LRP8: variants seen among roughly 807,000 people sequenced by gnomAD.
The protein encoded by LRP8 is LDL receptor related protein 8.
Under a neutral mutation model 111.6 loss-of-function variants are expected in LRP8, and 46 were observed. The ratio of observed to expected loss-of-function variants is 0.41; its 90% CI spans 0.33 to 0.53. The LOEUF (loss-of-function observed/expected upper bound fraction) is 0.53, where lower values mean the gene tolerates loss of function less well. Among genes scored for constraint, LRP8 ranks in the 20% least tolerant of loss-of-function variants. The pLI is 0.20. For missense variants in LRP8, 959 were observed against 1,297.4 expected (o/e 0.74, Z 4.01); for synonymous variants, 464 against 511.2 (o/e 0.91, Z 1.24).
intron 2 of LRP8, among the ~76,000 whole-genome samples, chr1:53,326,564 A>C (rs1482938054): frequency 1.3e-5 from 2 of 152,198 alleles, no homozygotes; most frequent in African/African-American, 4.8e-5. Context: ...CTTTGCAGGG[A>C]CTGCCGCGTC....
intron 2 of LRP8, among the ~76,000 whole-genome samples, chr1:53,302,364 G>A (rs940432740): frequency 6.6e-6 from 1 of 152,090 alleles, no homozygotes; most frequent in Non-Finnish European, 1.5e-5. Flanking sequence ...CACCCAACAA[G>A]CAGATTCCCA....
rs532611001 is a variant in LRP8 at position 53,317,744 on chromosome 1, G to A, written c.244+9129C>T. On this transcript the variant is annotated intron_variant, in intron 2 of 18. Coordinates refer to ENST00000306052, the MANE Select transcript of LRP8 (RefSeq NM_004631.5). This position sits in a 1 kb window ranked among gnomAD's most constrained non-coding sequence, Gnocchi z 4.9. ...AATATGGGCTCATTTTCCCGCTTTC[G>A]GAAAGTCTCATGAAGCTGGTGGGCC... Among the ~76,000 whole-genome samples the A allele has an allele frequency of 3.9e-5, 6 of 152,270 alleles. No individual in the cohort carries two copies. The highest frequency in any genetic ancestry group is 9.6e-5 in the African/African-American group (4 of 41,554).
At chr1:53,283,525 T>G (rs112013906) in intron 3 of LRP8, among the ~76,000 whole-genome samples, 3 of 125,528 alleles carry the variant, frequency 2.4e-5, no homozygotes, top group African/African-American at 6.8e-5. Context: ...CCCGGGCCAC[T>G]TACTTACTAC....
intron 15 of LRP8, among the ~76,000 whole-genome samples, chr1:53,256,206 T>C (rs1646081707): frequency 6.6e-6 from 1 of 152,258 alleles, no homozygotes; most frequent in Admixed American, 6.5e-5. Context: ...GTCCCGGCAA[T>C]GGCCCAAGGC....
At chr1:53,316,428 A>C (rs187271926) in intron 2 of LRP8, among the ~76,000 whole-genome samples, 2 of 152,236 alleles carry the variant, frequency 1.3e-5, no homozygotes, top group Non-Finnish European at 2.9e-5. Flanking sequence ...CACAAAAATA[A>C]GTAGGTGTAA....
chr1:53,275,862 G>A lies in LRP8; in HGVS notation c.884-109C>T, dbSNP rs976079850. ...GCCACCCCCAGCAAAAACAGAACCA[G>A]TGGCTGAACTCAGGAGTCCTCAAAG... On this transcript the variant is annotated intron_variant, in intron 5 of 18. Transcript: ENST00000306052. This position sits in a 1 kb window ranked among gnomAD's most constrained non-coding sequence, Gnocchi z 4.4. 2 of 1,398,976 alleles carry A rather than the reference G, an allele frequency of 1.4e-6. No individual in the cohort carries two copies. Among genetic ancestry groups the A allele is most frequent in the Admixed American group, 2.1e-5 (1 of 48,226 alleles). The allele number at this position is 1,398,976 out of a possible 1,614,324, so 86.7% of individuals were successfully genotyped here.
intron 2 of LRP8, among the ~76,000 whole-genome samples, chr1:53,326,410 G>T (rs1331204374): frequency 6.6e-6 from 1 of 152,234 alleles, no homozygotes; most frequent in East Asian, 1.9e-4. Context: ...CCAATCAGGG[G>T]CCCTGGGGAG....
rs566804818 is a variant in LRP8, at chr1:53,322,961, T to A, written c.244+3912A>T. ...TATTAAACCTGGGATGGAGGGGTGA[T>A]GGGTGCTGGGATAACAAAAGAGTCC... On this transcript the variant is annotated intron_variant, in intron 2 of 18. Transcript: ENST00000306052. Among the ~76,000 whole-genome samples, 51 of 152,266 alleles carry A rather than the reference T, an allele frequency of 3.3e-4. 2 individuals are homozygous for A. The highest frequency in any genetic ancestry group is 1.1e-3 in the African/African-American group (47 of 41,550).
At chr1:53,268,623 T>C (rs1646661516) in intron 8 of LRP8, 1 of 152,240 alleles carries the variant, frequency 6.6e-6, no homozygotes, top group Admixed American at 6.5e-5. Flanking sequence ...GACTCATATA[T>C]CCAGCTGCCT....
Position 53,250,615 on chromosome 1 carries a change from A to G in LRP8, c.2676+75T>C. On this transcript the variant is annotated intron_variant, in intron 17 of 18. Transcript: ENST00000306052. The surrounding 1 kb of genome is among the most constrained non-coding windows in gnomAD (Gnocchi z 4.6). ...AGGGAAGAAAGGATGGGAAGGAAGAAAGGATGGGAGGGGAAGAAAGGATGG... is the reference window on the plus strand; with the variant it reads ...AGGGAAGAAAGGATGGGAAGGAAGAGAGGATGGGAGGGGAAGAAAGGATGG... The G allele has an allele frequency of 7.5e-7, 1 of 1,331,742 alleles. No homozygotes were observed. The highest frequency in any genetic ancestry group is 1.3e-5 in the South Asian group (1 of 77,958). The allele number at this position is 1,331,742 out of a possible 1,614,324, so 82.5% of individuals were successfully genotyped here.
intron 2 of LRP8, among the ~76,000 whole-genome samples, chr1:53,315,278 C>G (rs1326387840): frequency 6.6e-6 from 1 of 152,290 alleles, no homozygotes; most frequent in African/African-American, 2.4e-5. Context: ...CTGGCTCCTC[C>G]TACTCCACCC....
chr1:53,283,477 T>A (rs200221333), intron 3 of LRP8, among the ~76,000 whole-genome samples: 4,098 of 100,406 alleles, frequency 0.041, no homozygotes, highest in East Asian at 0.1. Context: ...GGCCACTTAC[T>A]TACTACATAC....
At chr1:53,308,071 C>G (rs1454999098) in intron 2 of LRP8, among the ~76,000 whole-genome samples, 1 of 152,220 alleles carries the variant, frequency 6.6e-6, no homozygotes, top group East Asian at 1.9e-4. Context: ...CCTCAGGATG[C>G]AGGGCGCTCA....
intron 15 of LRP8, among the ~76,000 whole-genome samples, chr1:53,256,069 C>A (rs1455958308): frequency 2.0e-5 from 3 of 152,194 alleles, no homozygotes. Context: ...ACTCTTATAA[C>A]CATCTTCATT....
intron 2 of LRP8, among the ~76,000 whole-genome samples, chr1:53,310,807 AC>A (rs1318423316): frequency 6.6e-6 from 1 of 152,070 alleles, no homozygotes; most frequent in Non-Finnish European, 1.5e-5. Flanking sequence ...CATTCATTCA[AC>A]AAGCATACAA....
At chr1:53,247,092 CA>C in intron 18 of LRP8, 36 bp from the exon 19 acceptor site, 1 of 1,533,222 alleles carries the variant, frequency 6.5e-7, no homozygotes, top group Non-Finnish European at 8.9e-7. Flanking sequence ...TCATTAGATC[CA>C]TAAGAGTTAC....
chr1:53,276,644 C>A, intron 5 of LRP8, 48 bp downstream of exon 5: 1 of 1,413,336 alleles, frequency 7.1e-7, no homozygotes, highest in Non-Finnish European at 9.4e-7. Context: ...GATCGGATAG[C>A]GGATCCGCAA....
chr1:53,288,318 A>C (rs1317350395), intron 3 of LRP8: 1 of 152,332 alleles, frequency 6.6e-6, no homozygotes, highest in East Asian at 1.9e-4. Flanking sequence ...CAAGAGGATG[A>C]AAGTCACAAG....
chr1:53,274,784 T>A (rs1201490737), intron 6 of LRP8: 1 of 456,304 alleles, frequency 2.2e-6, no homozygotes, highest in African/African-American at 2.0e-5. Context: ...CTTGCCACTC[T>A]TACACTGAAA....
Sources: gnomAD v4.1 joint callset for allele counts (sites outside exome capture counted in the v4.1 genomes callset) on GRCh38, gnomAD v4.1.1 for gene constraint, Gnocchi (gnomAD v3.1) non-coding constraint, MANE v1.5 for transcripts, NCBI Gene and HGNC (gene_info 2026-07-23, HGNC 2026-07-21) for gene names.